Variants in DCDC1 observed in about 807,000 individuals in gnomAD.
The protein encoded by DCDC1 is doublecortin domain-containing protein 1.
A neutral mutation model predicts 178.3 loss-of-function variants in DCDC1; 200 were observed. The observed-to-expected ratio is 1.12, with a 90% CI of 1.00 to 1.26. DCDC1 has a LOEUF of 1.26. Ranked by LOEUF, DCDC1 falls within the 50% of genes most tolerant of loss-of-function variation. DCDC1 has a pLI of 0.00. For synonymous variants in DCDC1, 690 were observed against 604.8 expected, an observed-to-expected ratio of 1.14 and a Z score of -2.07; for missense variants, 1,983 against 1,749.2, an observed-to-expected ratio of 1.13 and a Z score of -2.38.
At chr11:31,357,791 A>T (rs984963576) in intron 1 of DCDC1, among the ~76,000 whole-genome samples, 51 of 151,942 alleles carry the variant, frequency 3.4e-4, no homozygotes, top group Non-Finnish European at 6.2e-4. Flanking sequence ...TTATACACCA[A>T]TAACAGACAA....
chr11:31,094,298 CTT>C, intron 15 of DCDC1, 114 bp from the exon 16 acceptor site: 1 of 640,388 alleles, frequency 1.6e-6, no homozygotes, highest in Non-Finnish European at 2.8e-6. Flanking sequence ...ATTGATACCT[CTT>C]TTCAAAAAGT....
At chr11:31,120,102 T>C (rs1960577904) in intron 11 of DCDC1, among the ~76,000 whole-genome samples, 1 of 152,146 alleles carries the variant, frequency 6.6e-6, no homozygotes, top group Non-Finnish European at 1.5e-5. Context: ...GAATAAAAAT[T>C]GTTAGATGCA....
chr11:30,926,208 T>C lies in DCDC1; in HGVS notation c.2898-800A>G, dbSNP rs1372441597. Among the ~76,000 whole-genome samples the C allele has an allele frequency of 2.0e-5, 3 of 152,164 alleles. No homozygotes were observed. The East Asian group carries it at 5.8e-4, about 29-fold the overall frequency. ...TTATCTAAGGGAGTGGCATTTGGGT[T>C]GGGTTTTAAAGGATAAACAGGATTT... On this transcript the variant is annotated intron_variant, in intron 22 of 38. Transcript: ENST00000684477.
In DCDC1 at chr11:30,922,655, C is replaced by G. The variant is rs200580925; in HGVS notation, c.2998-17G>C. 4.6e-6 allele frequency: 7 copies of G among 1,507,088 alleles called. No individual in the cohort carries two copies. Among genetic ancestry groups the G allele is most frequent in the Admixed American group, 2.8e-5 (1 of 35,158 alleles). The allele number at this position is 1,507,088 out of a possible 1,614,324, so 93.4% of individuals were successfully genotyped here. A position where few individuals can be genotyped will look rare whatever the true frequency, so the allele number is the denominator to read the frequency against. On this transcript the variant is annotated splice_polypyrimidine_tract_variant and intron_variant, in intron 23 of 38. Transcript: ENST00000684477. ...AACATACACCTATCAAACAAAGCAT[C>G]TCTTATCCTGTATATAATTGTCACA...
intron 32 of DCDC1, among the ~76,000 whole-genome samples, chr11:30,903,011 G>A (rs1453103064): frequency 6.6e-6 from 1 of 152,100 alleles, no homozygotes; most frequent in Non-Finnish European, 1.5e-5. Context: ...AGAAGACAGA[G>A]ACAGGGAAGG....
chr11:31,336,232 T>C (rs1565627849), intron 1 of DCDC1, among the ~76,000 whole-genome samples: 1 of 152,186 alleles, frequency 6.6e-6, no homozygotes, highest in Non-Finnish European at 1.5e-5. Context: ...GTAGGCCACA[T>C]AGAGCTGGTA....
At chr11:31,165,580 G>A (rs1354791249) in intron 9 of DCDC1, among the ~76,000 whole-genome samples, 2 of 152,006 alleles carry the variant, frequency 1.3e-5, no homozygotes, top group Non-Finnish European at 2.9e-5. Flanking sequence ...CAAAATGCTG[G>A]GATTACAGGC....
chr11:31,160,383 A>C lies in DCDC1; in HGVS notation c.1222-22599T>G, dbSNP rs976181991. 2.0e-5 allele frequency among the ~76,000 whole-genome samples: 3 copies of C among 152,190 alleles called. 1 individual carries two copies. Among genetic ancestry groups the C allele is most frequent in the African/African-American group, 4.8e-5 (2 of 41,462 alleles). On this transcript the variant is annotated intron_variant, in intron 9 of 38. Coordinates refer to ENST00000684477, the MANE Select transcript of DCDC1 (RefSeq NM_001387274.1). The stretch of plus-strand genomic sequence containing the variant: ...TAATAACCCTTTATCTTAGCATTTT[A>C]ATATAAAAACTTTATGCTATATAAA...
intron 34 of DCDC1, among the ~76,000 whole-genome samples, chr11:30,898,595 G>A (rs143659487): frequency 6.6e-6 from 1 of 152,130 alleles, no homozygotes; most frequent in Admixed American, 6.6e-5. Context: ...TTGGTGTTGG[G>A]GTAGTATGAC....
chr11:31,026,701 G>C (rs1243837196), intron 20 of DCDC1, among the ~76,000 whole-genome samples: 3 of 151,876 alleles, frequency 2.0e-5, no homozygotes, highest in Admixed American at 6.6e-5. Flanking sequence ...TACTGGTAGA[G>C]TTTTAGAGCA....
At chr11:31,037,374 A>G (rs761294900) in intron 20 of DCDC1, among the ~76,000 whole-genome samples, 6 of 151,486 alleles carry the variant, frequency 4.0e-5, no homozygotes, top group Non-Finnish European at 8.8e-5. Context: ...TGTTTTTGCT[A>G]GTGATTACCA....
chr11:31,281,405 T>C (rs541793100), intron 7 of DCDC1, among the ~76,000 whole-genome samples: 3 of 152,252 alleles, frequency 2.0e-5, no homozygotes, highest in African/African-American at 7.2e-5. Context: ...CTTGACCAGA[T>C]TGAAGAAATT....
chr11:31,011,608 C>T (rs907295563), intron 20 of DCDC1, among the ~76,000 whole-genome samples: 10 of 152,162 alleles, frequency 6.6e-5, no homozygotes, highest in Non-Finnish European at 2.9e-5. Context: ...AAAGCCAAGT[C>T]TGACAACACA....
At chr11:31,364,155 G>C (rs1951840838) in intron 1 of DCDC1, among the ~76,000 whole-genome samples, 1 of 152,138 alleles carries the variant, frequency 6.6e-6, no homozygotes, top group Admixed American at 6.5e-5. Flanking sequence ...GCTATGTTAA[G>C]CTATGATGTG....
At chr11:30,925,234 T>C in intron 23 of DCDC1, 75 bp downstream of exon 23, 5 of 1,291,776 alleles carry the variant, frequency 3.9e-6, no homozygotes, top group Non-Finnish European at 5.5e-6. Context: ...ATTTGAAGAC[T>C]TATATTTAAG....
chr11:31,250,743 GGCA>G (rs1303881373), intron 8 of DCDC1, among the ~76,000 whole-genome samples: 4 of 147,954 alleles, frequency 2.7e-5, no homozygotes, highest in Non-Finnish European at 6.0e-5. Context: ...ACTTATGTTA[GGCA>G]GCATCCCTAA....
intron 1 of DCDC1, among the ~76,000 whole-genome samples, chr11:31,351,774 T>C (rs1159503258): frequency 6.6e-6 from 1 of 152,166 alleles, no homozygotes; most frequent in South Asian, 2.1e-4. Context: ...CTTGGAAAGC[T>C]GAAAGCCCTT....
intron 38 of DCDC1, among the ~76,000 whole-genome samples, chr11:30,873,453 A>G (rs1282588305): frequency 1.3e-5 from 2 of 151,768 alleles, no homozygotes; most frequent in East Asian, 3.9e-4. Flanking sequence ...TCTGTTTTCC[A>G]AGGAAAGTGT....
chr11:31,309,718 T>A (rs1269902235), intron 3 of DCDC1, among the ~76,000 whole-genome samples: 4 of 152,214 alleles, frequency 2.6e-5, no homozygotes, highest in African/African-American at 9.6e-5. Flanking sequence ...TATGAAATAT[T>A]CTTATAAATA....
Sources: allele counts gnomAD v4.1 joint callset (sites outside exome capture counted in the v4.1 genomes callset), GRCh38; gene constraint gnomAD v4.1.1; transcripts MANE v1.5; gene names NCBI Gene and HGNC (gene_info 2026-07-23, HGNC 2026-07-21).